Variants in B3GALT1 observed in about 807,000 individuals in gnomAD.
The protein encoded by B3GALT1 is UDP-Gal:betaGlcNAc beta 1,3-galactosyltransferase, polypeptide 1.
Under a neutral mutation model 23.2 loss-of-function variants are expected in B3GALT1, and 10 were observed. The observed-to-expected ratio is 0.43, with a 90% CI of 0.27 to 0.73. B3GALT1 has a LOEUF of 0.73. Ranked by LOEUF, B3GALT1 falls within the 30% of genes least tolerant of loss-of-function variation. The pLI, the probability that B3GALT1 is intolerant of heterozygous loss-of-function variation, is 0.21. For synonymous variants in B3GALT1, 156 were observed against 141.5 expected, an observed-to-expected ratio of 1.10 and a Z score of -0.73; for missense variants, 299 against 405.4, an observed-to-expected ratio of 0.74 and a Z score of 2.25.
chr2:167,771,937 C>A (rs1021570623), intron 3 of B3GALT1, among the ~76,000 whole-genome samples: 8 of 152,150 alleles, frequency 5.3e-5, no homozygotes, highest in African/African-American at 1.9e-4. Flanking sequence ...GAAATACAGA[C>A]TGGGGGAGAA....
At chr2:167,326,184 T>C (rs556369265) in intron 1 of B3GALT1, among the ~76,000 whole-genome samples, 2 of 150,790 alleles carry the variant, frequency 1.3e-5, no homozygotes, top group East Asian at 3.9e-4. Context: ...TGATTAGTGA[T>C]GTTGAGTTTT....
chr2:167,462,134 G>A (rs906934385), intron 1 of B3GALT1, among the ~76,000 whole-genome samples: 4 of 152,112 alleles, frequency 2.6e-5, no homozygotes, highest in Non-Finnish European at 5.9e-5. Context: ...ATAACCTCAA[G>A]AGCATATAGT....
At chr2:167,765,106 A>G (rs1186290323) in intron 3 of B3GALT1, among the ~76,000 whole-genome samples, 3 of 152,134 alleles carry the variant, frequency 2.0e-5, no homozygotes, top group East Asian at 1.9e-4. Flanking sequence ...TTGGCTTACT[A>G]TTACCCTTTG....
Position 167,593,989 on chromosome 2 carries a change from T to G in B3GALT1, c.-409-52920T>G, listed in dbSNP as rs10209128. On this transcript the variant is annotated intron_variant, in intron 2 of 4. Transcript: ENST00000392690. ...GCAAACAAAAACACAGAAGCCTAGA[T>G]ATTTACAAATTCTGTACTTACTTTG... Among the ~76,000 whole-genome samples the G allele has an allele frequency of 3.0e-3, 457 of 152,336 alleles. 5 individuals carry two copies. In the East Asian group the frequency reaches 0.045, roughly 15 times the overall value.
At chr2:167,770,006 AGC>A (rs1688045507) in intron 3 of B3GALT1, among the ~76,000 whole-genome samples, 2 of 152,376 alleles carry the variant, frequency 1.3e-5, no homozygotes, top group Admixed American at 6.5e-5. Context: ...CATTCTCACC[AGC>A]AATGTATGAA....
chr2:167,705,845 A>C (rs4667967), intron 3 of B3GALT1, among the ~76,000 whole-genome samples: 3,001 of 152,272 alleles, frequency 0.02, 232 homozygotes, highest in Admixed American at 0.14. Context: ...TTACATATTC[A>C]CTTTCTCAGT....
intron 1 of B3GALT1, among the ~76,000 whole-genome samples, chr2:167,427,003 T>C (rs6759384): frequency 0.93 from 141,102 of 152,284 alleles, 65,966 homozygotes; most frequent in Non-Finnish European, 0.99. Flanking sequence ...TGGTATGTCA[T>C]AGAGTAGAAT....
chr2:167,865,463 G>A (rs192885522), intron 4 of B3GALT1, among the ~76,000 whole-genome samples: 94 of 152,042 alleles, frequency 6.2e-4, no homozygotes, highest in Admixed American at 1.4e-3. Flanking sequence ...CTATGCAAGA[G>A]GAGAAATCCT....
chr2:167,497,543 AG>A (rs1429808732), intron 2 of B3GALT1, among the ~76,000 whole-genome samples: 1 of 152,184 alleles, frequency 6.6e-6, no homozygotes, highest in Non-Finnish European at 1.5e-5. Context: ...GTTCTGCTTC[AG>A]GCTAGATTGA....
chr2:167,345,728 A>G (rs551591821), intron 1 of B3GALT1, among the ~76,000 whole-genome samples: 1 of 152,316 alleles, frequency 6.6e-6, no homozygotes, highest in East Asian at 1.9e-4. Context: ...GTCAACTAGT[A>G]GAGACATGTG....
chr2:167,545,257 G>A (rs566088471), intron 2 of B3GALT1, among the ~76,000 whole-genome samples: 1 of 151,720 alleles, frequency 6.6e-6, no homozygotes, highest in Non-Finnish European at 1.5e-5. Context: ...GGATGGTCTT[G>A]ATCTTCTGAC....
At position 167,548,675 on chromosome 2, in the gene B3GALT1, C is replaced by CGTGTGT. The variant is rs1008859038; in HGVS notation, c.-410+58402_-410+58407dup. ...ACCAGCCCTGGATTGCCTGTCCAGA[C>CGTGTGT]GTGTGTGTGAGTGTGTGTGTGTGTG... On this transcript the variant is annotated intron_variant, in intron 2 of 4. Transcript: ENST00000392690. Among the ~76,000 whole-genome samples the CGTGTGT allele has an allele frequency of 5.0e-5, 5 of 99,926 alleles. No individual in the cohort carries two copies. The East Asian group carries it at 2.8e-3, about 56-fold the overall frequency. The allele number at this position is 99,926 out of a possible 152,430, so 65.6% of individuals were successfully genotyped here.
chr2:167,351,955 A>ATTTTTTT (rs71031283), intron 1 of B3GALT1, among the ~76,000 whole-genome samples: 4 of 134,306 alleles, frequency 3.0e-5, no homozygotes, highest in African/African-American at 3.2e-5. Flanking sequence ...GCTGTTTTTG[A>ATTTTTTT]TTTTTTTTTT....
At chr2:167,333,124 A>G (rs138041207) in intron 1 of B3GALT1, among the ~76,000 whole-genome samples, 144 of 152,348 alleles carry the variant, frequency 9.5e-4, no homozygotes, top group African/African-American at 3.5e-3. Flanking sequence ...AAATGGTAGT[A>G]AAAGGAAGCT....
intron 3 of B3GALT1, among the ~76,000 whole-genome samples, chr2:167,784,906 G>A (rs193049563): frequency 5.8e-4 from 89 of 152,226 alleles, no homozygotes; most frequent in African/African-American, 2.0e-3. Flanking sequence ...ATTTAAGGTG[G>A]TCTTTTTTCA....
At chr2:167,544,745 C>G (rs1683597130) in intron 2 of B3GALT1, among the ~76,000 whole-genome samples, 2 of 152,170 alleles carry the variant, frequency 1.3e-5, no homozygotes, top group African/African-American at 2.4e-5. Context: ...CGTTGTCTGA[C>G]ACCAACCTGC....
At chr2:167,394,453 C>A (rs1574061934) in intron 1 of B3GALT1, among the ~76,000 whole-genome samples, 1 of 152,072 alleles carries the variant, frequency 6.6e-6, no homozygotes, top group Non-Finnish European at 1.5e-5. Context: ...TCTATTGTAG[C>A]AACAGGATAT....
intron 3 of B3GALT1, among the ~76,000 whole-genome samples, chr2:167,667,017 C>T (rs745767541): frequency 6.6e-6 from 1 of 150,730 alleles, no homozygotes; most frequent in South Asian, 2.1e-4. Context: ...TTATTTGGCT[C>T]GTTAGTTGAT....
At chr2:167,479,264 G>A (rs747678244) in intron 1 of B3GALT1, among the ~76,000 whole-genome samples, 6 of 152,002 alleles carry the variant, frequency 3.9e-5, no homozygotes, top group African/African-American at 7.2e-5. Context: ...CCAACAAAAT[G>A]TTCAGTAATA....
Sources: gnomAD v4.1 joint callset for allele counts (sites outside exome capture counted in the v4.1 genomes callset) on GRCh38, gnomAD v4.1.1 for gene constraint, MANE v1.5 for transcripts, NCBI Gene and HGNC (gene_info 2026-07-23, HGNC 2026-07-21) for gene names.